WDR17: variants seen among roughly 807,000 people sequenced by gnomAD.
WDR17 encodes WD repeat-containing protein 17.
Under a neutral mutation model 161.7 loss-of-function variants are expected in WDR17, and 143 were observed. The observed-to-expected ratio is 0.88, with a 90% CI of 0.77 to 1.02. The LOEUF is 1.02. Among genes scored for constraint, WDR17 ranks in the 50% least tolerant of loss-of-function variants. The pLI is 0.00. For synonymous variants in WDR17, 517 were observed against 515.6 expected (o/e 1.00, Z -0.04); for missense variants, 1,469 against 1,520.9 (o/e 0.97, Z 0.57).
chr4:176,180,083 C>T lies in WDR17; in HGVS notation c.*504C>T, dbSNP rs1051458871. ...TATAAAATGCATAGTAAACCACTAACGTTAGCTGTTTTAATAAAAGTTTTC... is the reference window on the plus strand; with the variant it reads ...TATAAAATGCATAGTAAACCACTAATGTTAGCTGTTTTAATAAAAGTTTTC... On this transcript the variant is annotated 3_prime_UTR_variant, in exon 29 of 29. Transcript: ENST00000508596. 2.6e-5 allele frequency: 4 copies of T among 151,936 alleles called. No homozygotes were observed. Among genetic ancestry groups the T allele is most frequent in the East Asian group, 3.9e-4 (2 of 5,128 alleles). 9.4% of individuals were successfully genotyped at this position (151,936 alleles called of 1,614,324 possible).
chr4:176,177,865 TA>T (rs1425531272), intron 28 of WDR17, among the ~76,000 whole-genome samples: 1 of 151,538 alleles, frequency 6.6e-6, no homozygotes, highest in East Asian at 1.9e-4. Flanking sequence ...TACTGACTCT[TA>T]CCACAGAAGC....
intron 1 of WDR17, among the ~76,000 whole-genome samples, chr4:176,102,165 A>G (rs1309693869): frequency 6.6e-6 from 1 of 152,218 alleles, no homozygotes; most frequent in African/African-American, 2.4e-5. Context: ...CTCAGTAACT[A>G]GAAGATTGAA....
intron 1 of WDR17, chr4:176,096,403 A>G (rs1736863060): frequency 1.4e-6 from 1 of 715,406 alleles, no homozygotes; most frequent in Non-Finnish European, 2.3e-6. Context: ...ACTGAACATC[A>G]TTTCACAAGG....
In WDR17 at chr4:176,172,536, T is replaced by C. The variant is rs375074359; in HGVS notation, c.3244+20T>C. On this transcript the variant is annotated intron_variant, in intron 24 of 28. Transcript: ENST00000508596. ...TTAAAGGTAAGTAATTAGTTGGTAG[T>C]AGAATTTTAAATATACTCATTTATT... The C allele has an allele frequency of 1.7e-5, 26 of 1,556,092 alleles. No individual in the cohort carries two copies. The African/African-American group carries it at 1.9e-4, about 12-fold the overall frequency.
chr4:176,148,260 T>A lies in WDR17; in HGVS notation c.1822T>A (p.Tyr608Asn). ...TCTGCTCATATCTGGCAGCTGGGAC[T>A]ATACTATAAAAGTATGGGACACTCG... ...PYLLISGSWD[Y>N]TIKVWDTREG... Residue 608 changes from tyrosine to asparagine, a missense_variant, in exon 13 of 29, where the codon TAT becomes AAT. Tyr to Asn is a moderately radical substitution (Grantham distance 143, BLOSUM62 -2). Coordinates refer to ENST00000508596, the MANE Select transcript of WDR17 (RefSeq NM_181265.4). 6.2e-7 allele frequency: 1 copy of A among 1,613,836 alleles called. No homozygotes were observed. Among genetic ancestry groups the A allele is most frequent in the Middle Eastern group, 1.7e-4 (1 of 6,060 alleles).
At chr4:176,071,106 G>A (rs1733171030) in intron 1 of WDR17, among the ~76,000 whole-genome samples, 1 of 137,980 alleles carries the variant, frequency 7.2e-6, no homozygotes, top group African/African-American at 2.5e-5. Context: ...GCAATTTATG[G>A]CAGAGTTCCT....
intron 1 of WDR17, among the ~76,000 whole-genome samples, chr4:176,093,485 CTATTT>C (rs1176365416): frequency 2.0e-5 from 3 of 152,102 alleles, no homozygotes; most frequent in Non-Finnish European, 4.4e-5. Context: ...ACTTCATTTT[CTATTT>C]TATTTTAATT....
intron 1 of WDR17, among the ~76,000 whole-genome samples, chr4:176,098,960 A>C (rs1737356551): frequency 6.6e-6 from 1 of 152,090 alleles, no homozygotes; most frequent in Non-Finnish European, 1.5e-5. Context: ...GGTACACCAA[A>C]TTTTATGTCA....
intron 28 of WDR17, 36 bp from the exon 29 acceptor site, chr4:176,179,424 A>G (rs374050142): frequency 6.9e-7 from 1 of 1,445,936 alleles, no homozygotes; most frequent in Non-Finnish European, 9.2e-7. Context: ...CAAATTTATA[A>G]TCTCATCTTC....
At position 176,163,221 on chromosome 4, in the gene WDR17, G is replaced by C. The variant is rs184219717; in HGVS notation, c.2918G>C (p.Gly973Ala). ...ELAVCVGTVLGESAAPATHYA... is the reference protein window; with the variant it reads ...ELAVCVGTVLAESAAPATHYA... ...GCAGTCTGTGTGGGCACAGTACTAG[G>C]AGAGTCTGCAGCACCAGCAACCCAC... Residue 973 changes from glycine to alanine, a missense_variant, in exon 22 of 29, where the codon GGA becomes GCA. Gly to Ala is a moderately conservative substitution (Grantham distance 60). Coordinates refer to ENST00000508596, the MANE Select transcript of WDR17 (RefSeq NM_181265.4). The C allele has an allele frequency of 6.2e-7, 1 of 1,614,100 alleles. No individual in the cohort carries two copies. Among genetic ancestry groups the C allele is most frequent in the African/African-American group, 1.3e-5 (1 of 75,052 alleles).
At chr4:176,095,905 T>C (rs143799473) in intron 1 of WDR17, among the ~76,000 whole-genome samples, 25 of 152,250 alleles carry the variant, frequency 1.6e-4, no homozygotes, top group African/African-American at 6.0e-4. Flanking sequence ...AAAACTAAAA[T>C]TAAATTACAT....
intron 11 of WDR17, among the ~76,000 whole-genome samples, chr4:176,143,397 G>T (rs1745608710): frequency 6.6e-6 from 1 of 151,912 alleles, no homozygotes; most frequent in African/African-American, 2.4e-5. Context: ...AGGTATGGTG[G>T]CTCATGCCTC....
intron 2 of WDR17, among the ~76,000 whole-genome samples, chr4:176,114,726 G>A (rs558998409): frequency 1.3e-5 from 2 of 151,944 alleles, no homozygotes; most frequent in South Asian, 4.2e-4. Flanking sequence ...GGTATAATAA[G>A]ATAGAGTCAT....
At chr4:176,078,217 T>C (rs1734296611) in intron 1 of WDR17, among the ~76,000 whole-genome samples, 1 of 152,078 alleles carries the variant, frequency 6.6e-6, no homozygotes, top group Non-Finnish European at 1.5e-5. Flanking sequence ...TTGACTATTA[T>C]AAATAAATGT....
At chr4:176,095,263 G>A (rs763614430) in intron 1 of WDR17, among the ~76,000 whole-genome samples, 15 of 152,156 alleles carry the variant, frequency 9.9e-5, no homozygotes, top group Admixed American at 3.3e-4. Flanking sequence ...AAGGGGCTTT[G>A]TGGAAACTAG....
At chr4:176,069,006 A>G (rs965735704) in intron 1 of WDR17, among the ~76,000 whole-genome samples, 5 of 152,186 alleles carry the variant, frequency 3.3e-5, no homozygotes, top group African/African-American at 9.6e-5. Context: ...TAAAAGAAAA[A>G]TTCCCATCAC....
intron 4 of WDR17, among the ~76,000 whole-genome samples, chr4:176,123,517 G>A (rs1741934532): frequency 6.6e-6 from 1 of 152,108 alleles, no homozygotes; most frequent in African/African-American, 2.4e-5. Flanking sequence ...AGGTTCCCGT[G>A]GCCCCCTCCT....
intron 9 of WDR17, 67 bp downstream of exon 9, chr4:176,137,678 A>G: frequency 1.0e-6 from 1 of 995,830 alleles, no homozygotes; most frequent in Non-Finnish European, 1.4e-6. Context: ...TTTTGTAAAT[A>G]TTTTTATTTC....
intron 17 of WDR17, among the ~76,000 whole-genome samples, chr4:176,152,467 CGT>C (rs1474652611): frequency 6.6e-6 from 1 of 150,944 alleles, no homozygotes; most frequent in Non-Finnish European, 1.5e-5. Flanking sequence ...ACTAGCCAGG[CGT>C]GTGGCACGCA....
Sources: allele counts gnomAD v4.1 joint callset (sites outside exome capture counted in the v4.1 genomes callset), GRCh38; gene constraint gnomAD v4.1.1; transcripts MANE v1.5; gene names NCBI Gene and HGNC (gene_info 2026-07-23, HGNC 2026-07-21).